Variants in SMARCC1 observed in about 807,000 individuals in gnomAD.
SMARCC1 encodes SWI/SNF complex subunit SMARCC1.
SMARCC1 carries 43 observed loss-of-function variants against 147.4 expected under a neutral mutation model. The observed-to-expected ratio is 0.29, with a 90% CI of 0.23 to 0.38. SMARCC1 has a LOEUF of 0.38. SMARCC1 is among the 10% of genes least tolerant of loss of function. SMARCC1 has a pLI of 1.00. For missense variants in SMARCC1, 1,119 were observed against 1,381.1 expected (o/e 0.81, Z 3.01); for synonymous variants, 495 against 484.4 (o/e 1.02, Z -0.29).
chr3:47,611,842 G>A (rs1470684956), intron 25 of SMARCC1, among the ~76,000 whole-genome samples: 1 of 152,206 alleles, frequency 6.6e-6, no homozygotes, highest in Non-Finnish European at 1.5e-5. Context: ...ACAGTATGAA[G>A]AAAAGATGCA....
chr3:47,735,928 T>A, intron 5 of SMARCC1, 106 bp downstream of exon 5: 1 of 495,522 alleles, frequency 2.0e-6, no homozygotes, highest in Non-Finnish European at 3.5e-6. Flanking sequence ...GATGCAAATA[T>A]ATCAAAAAAT....
At chr3:47,665,707 G>A (rs1343946243) in intron 19 of SMARCC1, among the ~76,000 whole-genome samples, 1 of 152,050 alleles carries the variant, frequency 6.6e-6, no homozygotes, top group Non-Finnish European at 1.5e-5. Context: ...AGAATAATGC[G>A]GTGACACACT....
chr3:47,635,824 A>G (rs2032961660), intron 23 of SMARCC1, among the ~76,000 whole-genome samples, 198 bp downstream of exon 23: 1 of 152,218 alleles, frequency 6.6e-6, no homozygotes, highest in Non-Finnish European at 1.5e-5. Flanking sequence ...TCTTCTACAT[A>G]TTAAAAGCAC....
intron 17 of SMARCC1, among the ~76,000 whole-genome samples, chr3:47,676,376 T>C (rs1013462259): frequency 6.6e-6 from 1 of 152,112 alleles, no homozygotes; most frequent in Non-Finnish European, 1.5e-5. Flanking sequence ...CTTTTATGCA[T>C]ATAAAAGTAA....
Position 47,662,590 on chromosome 3 carries a change from G to A in SMARCC1, c.1902C>T (p.Ala634=). 1.9e-6 allele frequency: 3 copies of A among 1,611,990 alleles called. No individual in the cohort carries two copies. The highest frequency in any genetic ancestry group is 2.5e-6 in the Non-Finnish European group (3 of 1,178,820). ...TEQETLLLLE[A]LEMYKDDWNK... ...TCCAATCATCCTTGTACATCTCCAG[G>A]GCCTAAGACAGAAAAAACAGATGCT... Residue 634 remains alanine (A), a splice_region_variant and synonymous_variant, in exon 20 of 28, where the codon GCC becomes GCT. Transcript: ENST00000254480.
intron 7 of SMARCC1, among the ~76,000 whole-genome samples, chr3:47,718,974 G>A (rs908554096): frequency 5.9e-5 from 9 of 152,132 alleles, no homozygotes; most frequent in East Asian, 1.9e-4. Context: ...CTGCAGTGGC[G>A]CAATCTCGGC....
At chr3:47,639,975 C>T (rs937723853) in intron 21 of SMARCC1, among the ~76,000 whole-genome samples, 3 of 152,114 alleles carry the variant, frequency 2.0e-5, no homozygotes, top group African/African-American at 7.2e-5. Flanking sequence ...CAAATTAGGT[C>T]ACAAAGTGAG....
chr3:47,699,964 T>A (rs1207129479), intron 11 of SMARCC1, among the ~76,000 whole-genome samples: 1 of 152,076 alleles, frequency 6.6e-6, no homozygotes, highest in African/African-American at 2.4e-5. Context: ...GCAGGAGAGA[T>A]GGTTATATGC....
intron 19 of SMARCC1, among the ~76,000 whole-genome samples, chr3:47,666,614 T>G (rs1008713385): frequency 6.6e-6 from 1 of 152,070 alleles, no homozygotes; most frequent in Non-Finnish European, 1.5e-5. Flanking sequence ...AAAGGTTCTC[T>G]TAGCTAAACC....
chr3:47,605,068 C>T (rs888189087), intron 26 of SMARCC1, among the ~76,000 whole-genome samples: 14 of 152,054 alleles, frequency 9.2e-5, no homozygotes, highest in Non-Finnish European at 2.1e-4. Flanking sequence ...CCAAAGCAAC[C>T]CAACAAAAGG....
At position 47,720,846 on chromosome 3, in the gene SMARCC1, T is replaced by C. The variant is rs1337033322; in HGVS notation, c.647-111A>G. The stretch of plus-strand genomic sequence containing the variant: ...TTTTAGTTTGCTAACGAACAACATT[T>C]TTCGAACATGCTGTTGCTGGTTTGG... On this transcript the variant is annotated intron_variant, in intron 6 of 27. Coordinates refer to ENST00000254480, the MANE Select transcript of SMARCC1 (RefSeq NM_003074.4). 3 of 854,422 alleles carry C rather than the reference T, an allele frequency of 3.5e-6. No individual in the cohort carries two copies. The African/African-American group carries it at 5.1e-5, about 14-fold the overall frequency. 52.9% of individuals were successfully genotyped at this position (854,422 alleles called of 1,614,324 possible). A position where few individuals can be genotyped will look rare whatever the true frequency, so the allele number is the denominator to read the frequency against.
intron 16 of SMARCC1, among the ~76,000 whole-genome samples, chr3:47,677,435 G>T (rs2033588391): frequency 6.6e-6 from 1 of 150,956 alleles, no homozygotes. Flanking sequence ...GCAGAGCTAG[G>T]GCGCAGAGCT....
At chr3:47,703,257 C>A (rs1270809435) in intron 10 of SMARCC1, among the ~76,000 whole-genome samples, 1 of 152,182 alleles carries the variant, frequency 6.6e-6, no homozygotes, top group African/African-American at 2.4e-5. Context: ...TAATGCTAAG[C>A]CGGGCATGGT....
In SMARCC1 at chr3:47,710,788, C is replaced by G; in HGVS notation, c.813G>C (p.Leu271Phe). 1 of 1,611,188 alleles carries G rather than the reference C, an allele frequency of 6.2e-7. No homozygotes were observed. The change falls in exon 9 of 28, where the codon TTG becomes TTC. Residue 271 changes from leucine to phenylalanine, a missense_variant. This residue lies in a region of SMARCC1 where 542 missense variants were observed against 611.8 expected (regional missense o/e 0.89). Coordinates refer to ENST00000254480, the MANE Select transcript of SMARCC1 (RefSeq NM_003074.4). ...TCCATTCATTGAAAATATCAGTGTC[C>G]AAAATCCATTTCACATGAACCTAAA... Reference protein sequence around the residue: ...KPWKVHVKWILDTDIFNEWMN... With the variant: ...KPWKVHVKWIFDTDIFNEWMN...
chr3:47,709,253 C>T (rs1396259856), intron 9 of SMARCC1, among the ~76,000 whole-genome samples: 1 of 149,894 alleles, frequency 6.7e-6, no homozygotes, highest in Non-Finnish European at 1.5e-5. Flanking sequence ...AGAACGAGAC[C>T]CCTTGTCAAG....
intron 2 of SMARCC1, among the ~76,000 whole-genome samples, chr3:47,751,550 A>C (rs148327881): frequency 7.5e-5 from 2 of 26,644 alleles, no homozygotes; most frequent in East Asian, 2.5e-3. Flanking sequence ...CAAAAAAAAA[A>C]AAAAAGAAAA....
chr3:47,610,624 C>G (rs9881473), intron 25 of SMARCC1: 11,673 of 414,828 alleles, frequency 0.028, 697 homozygotes, highest in Admixed American at 0.15. Context: ...CATGTAATCC[C>G]CTCTATGTTT....
chr3:47,731,170 T>C (rs2106823454), intron 5 of SMARCC1, among the ~76,000 whole-genome samples: 1 of 152,358 alleles, frequency 6.6e-6, no homozygotes, highest in South Asian at 2.1e-4. Flanking sequence ...AAATCCTTTG[T>C]TCTCATTTCA....
intron 3 of SMARCC1, among the ~76,000 whole-genome samples, chr3:47,738,474 A>G (rs1194921451): frequency 1.3e-5 from 2 of 152,172 alleles, no homozygotes; most frequent in Admixed American, 1.3e-4. Flanking sequence ...TCAAGAGATC[A>G]AGAGTTCAAG....
Sources: allele counts gnomAD v4.1 joint callset (sites outside exome capture counted in the v4.1 genomes callset), GRCh38; gene constraint gnomAD v4.1.1; regional missense constraint gnomAD v4.1.1; transcripts MANE v1.5; gene names NCBI Gene and HGNC (gene_info 2026-07-23, HGNC 2026-07-21).